SYCP2: variants seen among roughly 807,000 people sequenced by gnomAD.
The protein encoded by SYCP2 is synaptonemal complex lateral element protein.
Under a neutral mutation model 211.3 loss-of-function variants are expected in SYCP2, and 55 were observed. The ratio of observed to expected loss-of-function variants is 0.26; its 90% CI spans 0.21 to 0.33. The LOEUF (loss-of-function observed/expected upper bound fraction) is 0.33. Among genes scored for constraint, SYCP2 ranks in the 10% least tolerant of loss-of-function variants. SYCP2 has a pLI of 1.00. For synonymous variants in SYCP2, 570 were observed against 555.2 expected (o/e 1.03, Z -0.37); for missense variants, 1,731 against 1,752.0 (o/e 0.99, Z 0.21).
intron 18 of SYCP2, among the ~76,000 whole-genome samples, chr20:59,897,906 A>C (rs2060040801): frequency 6.6e-6 from 1 of 152,114 alleles, no homozygotes; most frequent in Non-Finnish European, 1.5e-5. Flanking sequence ...TAACAAGGAA[A>C]CCCTGTCTCT....
At chr20:59,918,384 G>GA (rs773782017) in intron 7 of SYCP2, among the ~76,000 whole-genome samples, 6 of 152,150 alleles carry the variant, frequency 3.9e-5, no homozygotes, top group Non-Finnish European at 8.8e-5. Flanking sequence ...GTCAAAACAG[G>GA]AAGCAACATC....
chr20:59,870,532 C>T (rs2059431983), intron 35 of SYCP2, among the ~76,000 whole-genome samples: 1 of 151,296 alleles, frequency 6.6e-6, no homozygotes, highest in East Asian at 1.9e-4. Flanking sequence ...GAGACTTCAC[C>T]CAACTTTGCA....
At chr20:59,900,388 T>A in intron 17 of SYCP2, 104 bp from the exon 18 acceptor site, 1 of 1,019,864 alleles carries the variant, frequency 9.8e-7, no homozygotes, top group South Asian at 1.8e-5. Flanking sequence ...CATATTCAAT[T>A]ATTTCCCTTT....
chr20:59,916,591 TA>T lies in SYCP2; in HGVS notation c.428-21del. 1 of 1,463,274 alleles carries T rather than the reference TA, an allele frequency of 6.8e-7. No individual in the cohort carries two copies. The highest frequency in any genetic ancestry group is 9.6e-7 in the Non-Finnish European group (1 of 1,043,186). 90.6% of individuals were successfully genotyped at this position (1,463,274 alleles called of 1,614,324 possible). On this transcript the variant is annotated intron_variant, in intron 7 of 44. Coordinates refer to ENST00000357552, the MANE Select transcript of SYCP2 (RefSeq NM_014258.4). ...TTTTACCTGAATAAAAGTGTTAAAT[TA>T]TTGATAAATGTTCATTTCAAATCCT...
intron 13 of SYCP2, 170 bp from the exon 14 acceptor site, chr20:59,912,015 C>T (rs2060340812): frequency 2.3e-6 from 1 of 439,562 alleles, no homozygotes; most frequent in African/African-American, 2.0e-5. Context: ...AAATGAAATG[C>T]TACTTTAATA....
intron 34 of SYCP2, among the ~76,000 whole-genome samples, chr20:59,875,063 C>T (rs2059528945): frequency 6.6e-6 from 1 of 151,888 alleles, no homozygotes; most frequent in Non-Finnish European, 1.5e-5. Flanking sequence ...CTTTAACTTC[C>T]TAACATGAAA....
At chr20:59,914,693 T>C (rs1047391653) in intron 10 of SYCP2, among the ~76,000 whole-genome samples, 1 of 141,942 alleles carries the variant, frequency 7.0e-6, no homozygotes, top group Non-Finnish European at 1.5e-5. Flanking sequence ...GCTTAGAAAA[T>C]AAATTTTAAG....
In SYCP2 at chr20:59,864,399, GA is replaced by G. The variant is rs143859419; in HGVS notation, c.4516-12del. 6.9e-4 allele frequency: 960 copies of G among 1,397,854 alleles called. No homozygotes were observed. The highest frequency in any genetic ancestry group is 2.1e-3 in the African/African-American group (132 of 64,082). 86.6% of individuals were successfully genotyped at this position (1,397,854 alleles called of 1,614,324 possible). A position where few individuals can be genotyped will look rare whatever the true frequency, so the allele number is the denominator to read the frequency against. ...AAGCTCCTCTTCTAGCTATAGCCAA[GA>G]AAAAAAAAATCACACTTAGATTTCA... On this transcript the variant is annotated splice_polypyrimidine_tract_variant and intron_variant, in intron 44 of 44. Transcript: ENST00000357552.
intron 18 of SYCP2, 130 bp from the exon 19 acceptor site, chr20:59,896,658 A>C (rs764087163): frequency 1.8e-6 from 1 of 559,636 alleles, no homozygotes. Flanking sequence ...ACAACACAAT[A>C]TTCATAAATT....
In SYCP2 at chr20:59,873,855, C is replaced by A; in HGVS notation, c.3555+1G>T. 6.2e-7 allele frequency: 1 copy of A among 1,604,172 alleles called. No homozygotes were observed. ...AGAGAAAAATATATATACATTCTCA[C>A]CAAAAACAGTGGTCGTGGAATTGGT... is the stretch of plus-strand genomic sequence containing the variant. On this transcript the variant is annotated splice_donor_variant, in intron 35 of 44. Coordinates refer to ENST00000357552, the MANE Select transcript of SYCP2 (RefSeq NM_014258.4). LOFTEE classifies it high-confidence loss of function.
intron 24 of SYCP2, among the ~76,000 whole-genome samples, chr20:59,887,783 G>C (rs749471441): frequency 3.3e-5 from 5 of 151,378 alleles, no homozygotes; most frequent in Non-Finnish European, 5.9e-5. Flanking sequence ...TAAACCTTTA[G>C]TCAGGTTAAC....
At position 59,901,664 on chromosome 20, in the gene SYCP2, T is replaced by C; in HGVS notation, c.1180A>G (p.Arg394Gly). 4 of 1,527,960 alleles carry C rather than the reference T, an allele frequency of 2.6e-6. No individual in the cohort carries two copies. Among genetic ancestry groups the C allele is most frequent in the East Asian group, 2.3e-5 (1 of 43,368 alleles). The allele number at this position is 1,527,960 out of a possible 1,614,324, so 94.7% of individuals were successfully genotyped here. The change falls in exon 16 of 45, where the codon AGG becomes GGG. Residue 394 changes from arginine to glycine, a missense_variant and splice_region_variant. By Grantham distance (125) the Arg-to-Gly change is moderately radical. Transcript: ENST00000357552. ...ATTTATTAAGTTTAAAGACTTACCC[T>C]ATGTTTAGTTGCACCAAAAATTTTT... is the stretch of plus-strand genomic sequence containing the variant. ...TQKIFGATKH[R>G]ESIRKQGISV...
At chr20:59,929,028 C>A (rs1371645765) in intron 2 of SYCP2, among the ~76,000 whole-genome samples, 2 of 151,510 alleles carry the variant, frequency 1.3e-5, no homozygotes, top group Non-Finnish European at 2.9e-5. Flanking sequence ...TAAGGATTAA[C>A]ATAAAAAGTA....
rs950415754 is a variant in SYCP2 at position 59,881,001 on chromosome 20, C to T, written c.2737G>A (p.Glu913Lys). 2.0e-6 allele frequency: 3 copies of T among 1,497,372 alleles called. No individual in the cohort carries two copies. In the African/African-American group the frequency reaches 4.2e-5, roughly 21 times the overall value. 92.8% of individuals were successfully genotyped at this position (1,497,372 alleles called of 1,614,324 possible). Residue 913 changes from glutamate to lysine, a missense_variant, in exon 30 of 45, where the codon GAA becomes AAA. This residue lies in a region of SYCP2 where 1,387 missense variants were observed against 1,351.3 expected (regional missense o/e 1.03). Coordinates refer to ENST00000357552, the MANE Select transcript of SYCP2 (RefSeq NM_014258.4). ...IRLVGPRNHD[E>K]LKSSVKTKDK... ...TTTGTTTTGACAGAAGATTTAAGTT[C>T]ATCATGATTCCTTGGACCTACCCTT...
At chr20:59,932,600 G>T (rs78232303) in intron 1 of SYCP2, among the ~76,000 whole-genome samples, 3,247 of 151,660 alleles carry the variant, frequency 0.021, 120 homozygotes, top group African/African-American at 0.075. Context: ...CTGGAACCCG[G>T]AAGATGGAGG....
chr20:59,881,173 C>G (rs1245764249), intron 29 of SYCP2, 150 bp from the exon 30 acceptor site: 1 of 564,886 alleles, frequency 1.8e-6, no homozygotes, highest in Non-Finnish European at 3.1e-6. Context: ...TCCTCTCTGA[C>G]CTCAGTTATA....
In SYCP2 at chr20:59,864,187, T is replaced by C; in HGVS notation, c.*124A>G. 1.7e-6 allele frequency: 1 copy of C among 594,320 alleles called. No individual in the cohort carries two copies. The highest frequency in any genetic ancestry group is 2.8e-6 in the Non-Finnish European group (1 of 360,722). 36.8% of individuals were successfully genotyped at this position (594,320 alleles called of 1,614,324 possible). ...AAGACATTTTTTTTTAATTTGAGGG[T>C]TCCTATAAAGGGTACACTTGCTTCG... is the stretch of plus-strand genomic sequence containing the variant. On this transcript the variant is annotated 3_prime_UTR_variant, in exon 45 of 45. Transcript: ENST00000357552.
chr20:59,917,089 CTCTAGA>C (rs1325678504), intron 7 of SYCP2, among the ~76,000 whole-genome samples: 1 of 152,036 alleles, frequency 6.6e-6, no homozygotes, highest in Non-Finnish European at 1.5e-5. Context: ...CAAGGGACAA[CTCTAGA>C]TCTAGTTTCT....
chr20:59,887,744 C>T (rs1001191372), intron 24 of SYCP2, among the ~76,000 whole-genome samples: 2 of 151,502 alleles, frequency 1.3e-5, no homozygotes, highest in African/African-American at 4.9e-5. Context: ...AAGGAGAAAC[C>T]ATTTCTTTGA....
Sources: gnomAD v4.1 joint callset for allele counts (sites outside exome capture counted in the v4.1 genomes callset) on GRCh38, gnomAD v4.1.1 for gene constraint, gnomAD v4.1.1 regional missense constraint, MANE v1.5 for transcripts, NCBI Gene and HGNC (gene_info 2026-07-23, HGNC 2026-07-21) for gene names.